Variants in SLC5A12 observed in about 807,000 individuals in gnomAD.
The protein encoded by SLC5A12 is solute carrier family 5 member 12.
SLC5A12 carries 46 observed loss-of-function variants against 72.7 expected under a neutral mutation model. That is an observed-to-expected ratio of 0.63 (90% CI 0.50 to 0.81). The LOEUF is 0.81. Ranked by LOEUF, SLC5A12 falls within the 30% of genes least tolerant of loss-of-function variation. SLC5A12 has a pLI of 0.00. For missense variants in SLC5A12, 683 were observed against 740.7 expected (o/e 0.92, Z 0.90); for synonymous variants, 275 against 264.4 (o/e 1.04, Z -0.39).
chr11:26,716,788 T>TA (rs1452781509), intron 1 of SLC5A12, among the ~76,000 whole-genome samples: 3 of 152,168 alleles, frequency 2.0e-5, no homozygotes, highest in African/African-American at 7.2e-5. Flanking sequence ...ACAACCCTAT[T>TA]ACTATCATCT....
At chr11:26,707,988 C>T (rs1434474374) in intron 4 of SLC5A12, among the ~76,000 whole-genome samples, 1 of 151,950 alleles carries the variant, frequency 6.6e-6, no homozygotes, top group Admixed American at 6.6e-5. Context: ...AGCTCAGTTT[C>T]CCTACATTTT....
chr11:26,680,655 A>G (rs1016360776), intron 12 of SLC5A12, among the ~76,000 whole-genome samples: 2 of 151,974 alleles, frequency 1.3e-5, no homozygotes, highest in Non-Finnish European at 2.9e-5. Flanking sequence ...TGTTTGGTTT[A>G]GAAGCCATAG....
intron 1 of SLC5A12, chr11:26,716,164 G>C (rs1342880751): frequency 6.6e-6 from 1 of 152,186 alleles, no homozygotes; most frequent in South Asian, 2.1e-4. Flanking sequence ...CGAGGCTATT[G>C]CTATAGGGAT....
chr11:26,698,292 T>A lies in SLC5A12; in HGVS notation c.951+114A>T. The stretch of plus-strand genomic sequence containing the variant: ...GAAGAAAGAAACCAACTTCTTGGGG[T>A]TTGAGAAATAGTGAGCAGTCCAGGA... On this transcript the variant is annotated intron_variant, in intron 7 of 14. Coordinates refer to ENST00000396005, the MANE Select transcript of SLC5A12 (RefSeq NM_178498.4). 2.2e-6 allele frequency: 3 copies of A among 1,358,874 alleles called. No homozygotes were observed. The African/African-American group carries it at 4.4e-5, about 20-fold the overall frequency. 84.2% of individuals were successfully genotyped at this position (1,358,874 alleles called of 1,614,324 possible). A position where few individuals can be genotyped will look rare whatever the true frequency, so the allele number is the denominator to read the frequency against.
chr11:26,682,471 C>A (rs748597172), intron 11 of SLC5A12, among the ~76,000 whole-genome samples: 1 of 152,100 alleles, frequency 6.6e-6, no homozygotes, highest in South Asian at 2.1e-4. Context: ...TAGCCACATT[C>A]TATGGGAAGG....
chr11:26,693,161 G>A (rs891107262), intron 8 of SLC5A12, among the ~76,000 whole-genome samples: 6 of 152,148 alleles, frequency 3.9e-5, no homozygotes, highest in African/African-American at 7.2e-5. Flanking sequence ...ATAGCAAGAC[G>A]CTGTAAGAAC....
intron 13 of SLC5A12, 33 bp downstream of exon 13, chr11:26,678,679 T>A (rs764685946): frequency 6.6e-7 from 1 of 1,510,536 alleles, no homozygotes. Context: ...GCCCATATCT[T>A]CTTTAGTCCC....
intron 9 of SLC5A12, among the ~76,000 whole-genome samples, chr11:26,687,431 A>T (rs1391183079): frequency 6.6e-6 from 1 of 152,148 alleles, no homozygotes; most frequent in East Asian, 1.9e-4. Flanking sequence ...TACATATCCA[A>T]CCCAGTTCCC....
upstream of SLC5A12, among the ~76,000 whole-genome samples, chr11:26,722,393 T>C (rs1450735164): frequency 6.6e-6 from 1 of 152,178 alleles, no homozygotes; most frequent in East Asian, 1.9e-4. Context: ...GAACTTCACC[T>C]GGAACACAGG....
At chr11:26,711,279 A>G (rs779780450) in intron 3 of SLC5A12, 28 bp downstream of exon 3, 4 of 1,598,960 alleles carry the variant, frequency 2.5e-6, no homozygotes, top group Non-Finnish European at 3.4e-6. Context: ...AAATGGTAAA[A>G]TATGCCAAGA....
intron 11 of SLC5A12, among the ~76,000 whole-genome samples, chr11:26,683,474 T>C (rs1854454323): frequency 6.6e-6 from 1 of 152,194 alleles, no homozygotes; most frequent in South Asian, 2.1e-4. Flanking sequence ...ACAGTTAATG[T>C]TGTGGGCCTT....
rs557106652 is a variant in SLC5A12, at chr11:26,674,373, G to C, written c.1580-844C>G. 3.8e-4 allele frequency among the ~76,000 whole-genome samples: 26 copies of C among 68,222 alleles called. No homozygotes were observed. The South Asian group carries it at 0.012, about 31-fold the overall frequency. The allele number at this position is 68,222 out of a possible 152,430, so 44.8% of individuals were successfully genotyped here. On this transcript the variant is annotated intron_variant, in intron 13 of 14. Coordinates refer to ENST00000396005, the MANE Select transcript of SLC5A12 (RefSeq NM_178498.4). ...AAACTTTTTCTCAAACTGCTTTCTA[G>C]AGACAAAAAAAATAAAAAAATGTAG...
At chr11:26,721,172 G>A in intron 1 of SLC5A12, among the ~76,000 whole-genome samples, 1 of 152,114 alleles carries the variant, frequency 6.6e-6, no homozygotes, top group East Asian at 1.9e-4. Flanking sequence ...ATAGCCCTGT[G>A]GGATTGTCAT....
chr11:26,714,164 T>G (rs770155017), intron 1 of SLC5A12, among the ~76,000 whole-genome samples: 11 of 152,126 alleles, frequency 7.2e-5, no homozygotes, highest in Non-Finnish European at 1.0e-4. Context: ...CCTGGATATA[T>G]ACTGGGGAAG....
At chr11:26,686,592 C>G (rs746084251) in intron 9 of SLC5A12, 48 bp from the exon 10 acceptor site, 1 of 1,556,018 alleles carries the variant, frequency 6.4e-7, no homozygotes, top group Non-Finnish European at 8.9e-7. Context: ...GGATTCCTGA[C>G]TTCAAGGGAT....
intron 13 of SLC5A12, among the ~76,000 whole-genome samples, 198 bp downstream of exon 13, chr11:26,678,514 T>C (rs1854316446): frequency 6.6e-6 from 1 of 151,934 alleles, no homozygotes; most frequent in Admixed American, 6.6e-5. Flanking sequence ...CGTGAATATA[T>C]GTTTTATATA....
intron 8 of SLC5A12, among the ~76,000 whole-genome samples, chr11:26,693,398 G>A (rs1255064501): frequency 6.6e-6 from 1 of 152,174 alleles, no homozygotes; most frequent in Non-Finnish European, 1.5e-5. Flanking sequence ...CAAGAGGTAA[G>A]ACTGGGAAGT....
At chr11:26,699,639 G>T (rs186980556) in intron 6 of SLC5A12, among the ~76,000 whole-genome samples, 1 of 152,112 alleles carries the variant, frequency 6.6e-6, no homozygotes, top group African/African-American at 2.4e-5. Flanking sequence ...GAGCAATACC[G>T]ATAATTGCAT....
chr11:26,711,254 A>T (rs747821355), intron 3 of SLC5A12, 53 bp downstream of exon 3: 32 of 1,410,520 alleles, frequency 2.3e-5, no homozygotes, highest in Middle Eastern at 1.8e-4. Flanking sequence ...CTGCAAGGTG[A>T]GAATTCAGGC....
Sources: allele counts gnomAD v4.1 joint callset (sites outside exome capture counted in the v4.1 genomes callset), GRCh38; gene constraint gnomAD v4.1.1; transcripts MANE v1.5; gene names NCBI Gene and HGNC (gene_info 2026-07-23, HGNC 2026-07-21).